EXOSC1: variants seen among roughly 807,000 people sequenced by gnomAD.
The protein encoded by EXOSC1 is exosome complex component CSL4.
Under a neutral mutation model 31.4 loss-of-function variants are expected in EXOSC1, and 27 were observed. The observed-to-expected ratio is 0.86, with a 90% confidence interval of 0.63 to 1.18. EXOSC1 has a LOEUF of 1.18. Among genes scored for constraint, EXOSC1 ranks in the 50% most tolerant of loss-of-function variants. The pLI is 0.00. For missense variants in EXOSC1, 228 were observed against 250.3 expected, an observed-to-expected ratio of 0.91 and a Z score of 0.60; for synonymous variants, 84 against 89.5, an observed-to-expected ratio of 0.94 and a Z score of 0.35.
chr10:97,445,920 C>T (rs773611647), intron 1 of EXOSC1, 35 bp downstream of exon 1: 8 of 1,613,866 alleles, frequency 5.0e-6, no homozygotes, highest in Non-Finnish European at 5.9e-6. Context: ...GCTTCAGCCC[C>T]TATCCAGGAC....
chr10:97,437,075 A>G, intron 7 of EXOSC1, 116 bp downstream of exon 7: 1 of 892,838 alleles, frequency 1.1e-6, no homozygotes, highest in Admixed American at 2.1e-5. Context: ...CTAATCTCAG[A>G]GGGAAATATC....
chr10:97,442,805 C>T lies in EXOSC1; in HGVS notation c.222+432G>A, dbSNP rs763047776. 3.3e-5 allele frequency among the ~76,000 whole-genome samples: 5 copies of T among 152,150 alleles called. No individual in the cohort carries two copies. In the East Asian group the frequency reaches 5.8e-4, roughly 18 times the overall value. On this transcript the variant is annotated intron_variant, in intron 3 of 7. Transcript: ENST00000370902. ...AAGCACTTCTCCTGCCTCAGCCTCC[C>T]GAGTAGCTGGGATTACAGGCATGCA... is the stretch of plus-strand genomic sequence containing the variant.
At chr10:97,437,343 T>C in intron 6 of EXOSC1, 68 bp from the exon 7 acceptor site, 2 of 1,311,270 alleles carry the variant, frequency 1.5e-6, no homozygotes, top group Non-Finnish European at 2.2e-6. Context: ...GCCACCTGAG[T>C]TGTTTTTCTA....
chr10:97,438,573 G>A, intron 5 of EXOSC1, 97 bp downstream of exon 5: 1 of 1,143,866 alleles, frequency 8.7e-7, no homozygotes, highest in Non-Finnish European at 1.3e-6. Context: ...CCAAAGTACT[G>A]GGATTACGGG....
chr10:97,445,608 TA>T, intron 2 of EXOSC1, 123 bp downstream of exon 2: 1 of 828,716 alleles, frequency 1.2e-6, no homozygotes, highest in Non-Finnish European at 1.9e-6. Context: ...TAGAAGAAAC[TA>T]AGAGACCAAC....
At position 97,443,117 on chromosome 10, in the gene EXOSC1, G is replaced by C. The variant is rs2133156121; in HGVS notation, c.222+120C>G. 6.0e-6 allele frequency: 5 copies of C among 831,810 alleles called. 1 individual carries two copies. The South Asian group carries it at 8.5e-5, about 14-fold the overall frequency. The allele number at this position is 831,810 out of a possible 1,614,324, so 51.5% of individuals were successfully genotyped here. A position where few individuals can be genotyped will look rare whatever the true frequency, so the allele number is the denominator to read the frequency against. On this transcript the variant is annotated intron_variant, in intron 3 of 7. Transcript: ENST00000370902. ...TAGAATTACCAGTGTGAGCCACTGT[G>C]CCCTGCCAGAAATAAATTTATGTAG... is the stretch of plus-strand genomic sequence containing the variant.
chr10:97,441,150 T>C (rs1293574969), intron 4 of EXOSC1, 21 bp downstream of exon 4: 3 of 1,593,064 alleles, frequency 1.9e-6, no homozygotes, highest in African/African-American at 1.3e-5. Context: ...CTAAGGTATA[T>C]GTGAAAAGGA....
At chr10:97,441,283 C>G in intron 3 of EXOSC1, 24 bp from the exon 4 acceptor site, 1 of 1,606,590 alleles carries the variant, frequency 6.2e-7, no homozygotes, top group Non-Finnish European at 8.5e-7. Context: ...AAAAGATCAG[C>G]ATCAGAGTAT....
At chr10:97,438,606 G>A in intron 5 of EXOSC1, 64 bp downstream of exon 5, 1 of 1,478,182 alleles carries the variant, frequency 6.8e-7, no homozygotes, top group South Asian at 1.2e-5. Context: ...TGCCTGGCCT[G>A]AGATAATACT....
intron 5 of EXOSC1, 47 bp from the exon 6 acceptor site, chr10:97,437,797 C>T: frequency 6.7e-7 from 1 of 1,503,002 alleles, no homozygotes; most frequent in Non-Finnish European, 9.3e-7. Flanking sequence ...TAGACTGGGT[C>T]TATATGAAAC....
Position 97,441,222 on chromosome 10 carries a change from A to G in EXOSC1, c.260T>C (p.Ile87Thr). The change falls in exon 4 of 8, where the codon ATC becomes ACC. Residue 87 changes from isoleucine to threonine, a missense_variant. By Grantham distance (89) the Ile-to-Thr change is moderately conservative. Transcript: ENST00000370902. The stretch of plus-strand genomic sequence containing the variant: ...AAGAGGCATGGACCCCACATACAGG[A>G]TGTGTACTTTGGCAAAGCGTGAATT... ...SINSRFAKVH[I>T]LYVGSMPLKN... 1 of 1,614,122 alleles carries G rather than the reference A, an allele frequency of 6.2e-7. No homozygotes were observed. Among genetic ancestry groups the G allele is most frequent in the Non-Finnish European group, 8.5e-7 (1 of 1,179,988 alleles).
intron 3 of EXOSC1, 76 bp downstream of exon 3, chr10:97,443,161 G>T: frequency 8.2e-7 from 1 of 1,219,444 alleles, no homozygotes; most frequent in South Asian, 1.3e-5. Flanking sequence ...TATCATACTG[G>T]ACACTGCAGT....
intron 4 of EXOSC1, among the ~76,000 whole-genome samples, chr10:97,440,569 A>T (rs1462033764): frequency 2.7e-5 from 4 of 148,826 alleles, no homozygotes; most frequent in Non-Finnish European, 4.4e-5. Flanking sequence ...CCCAGGCTGG[A>T]GTGCAATGGC....
At chr10:97,441,751 A>G (rs1423902102) in intron 3 of EXOSC1, among the ~76,000 whole-genome samples, 2 of 149,582 alleles carry the variant, frequency 1.3e-5, no homozygotes, top group Non-Finnish European at 3.0e-5. Flanking sequence ...CAGCCTCCCA[A>G]AGTGCTGGGA....
chr10:97,441,113 T>C lies in EXOSC1; in HGVS notation c.311+58A>G, dbSNP rs1302601264. 19 of 1,369,950 alleles carry C rather than the reference T, an allele frequency of 1.4e-5. No homozygotes were observed. In the Admixed American group the frequency reaches 2.7e-4, roughly 20 times the overall value. 84.9% of individuals were successfully genotyped at this position (1,369,950 alleles called of 1,614,324 possible). A position where few individuals can be genotyped will look rare whatever the true frequency, so the allele number is the denominator to read the frequency against. On this transcript the variant is annotated intron_variant, in intron 4 of 7. Transcript: ENST00000370902. Reference sequence around the variant, plus strand: ...ACTGTTGCTCAAAATTCTGGTGTCCTAGTCTATCCTAATCTTATTCCAGTT... The same window carrying C: ...ACTGTTGCTCAAAATTCTGGTGTCCCAGTCTATCCTAATCTTATTCCAGTT...
intron 7 of EXOSC1, 68 bp from the exon 8 acceptor site, chr10:97,436,619 G>T: frequency 6.9e-7 from 1 of 1,455,174 alleles, no homozygotes; most frequent in Non-Finnish European, 9.2e-7. Context: ...CTTTTATGCT[G>T]GGTATGAAGC....
At chr10:97,436,981 AC>A (rs1285087424) in intron 7 of EXOSC1, among the ~76,000 whole-genome samples, 1 of 152,188 alleles carries the variant, frequency 6.6e-6, no homozygotes, top group Non-Finnish European at 1.5e-5. Context: ...GCACCACTGC[AC>A]TCCAGCCTCC....
intron 5 of EXOSC1, among the ~76,000 whole-genome samples, chr10:97,437,958 C>T (rs1010313003): frequency 3.9e-5 from 6 of 151,912 alleles, no homozygotes; most frequent in East Asian, 3.9e-4. Context: ...CTCGCTCTGT[C>T]GCCCACACTG....
At chr10:97,437,092 C>T (rs1009425856) in intron 7 of EXOSC1, 99 bp downstream of exon 7, 4 of 1,007,276 alleles carry the variant, frequency 4.0e-6, no homozygotes, top group African/African-American at 1.6e-5. Flanking sequence ...TATCTATAGC[C>T]ATACTGCTTC....
Sources: gnomAD v4.1 joint callset for allele counts (sites outside exome capture counted in the v4.1 genomes callset) on GRCh38, gnomAD v4.1.1 for gene constraint, MANE v1.5 for transcripts, NCBI Gene and HGNC (gene_info 2026-07-23, HGNC 2026-07-21) for gene names.